Variants in KCNN2 observed in about 807,000 individuals in gnomAD.
The protein encoded by KCNN2 is small conductance calcium-activated potassium channel protein 2.
KCNN2 carries 24 observed loss-of-function variants against 55.5 expected under a neutral mutation model. The observed-to-expected ratio is 0.43, with a 90% CI of 0.31 to 0.61. KCNN2 has a LOEUF of 0.61. Among genes scored for constraint, KCNN2 ranks in the 20% least tolerant of loss-of-function variants. The pLI is 0.08. For missense variants in KCNN2, 754 were observed against 853.6 expected, an observed-to-expected ratio of 0.88 and a Z score of 1.45; for synonymous variants, 431 against 336.1, an observed-to-expected ratio of 1.28 and a Z score of -3.09.
intron 2 of KCNN2, among the ~76,000 whole-genome samples, chr5:114,297,877 C>T (rs1168972826): frequency 2.0e-5 from 3 of 152,104 alleles, no homozygotes; most frequent in African/African-American, 2.4e-5. Context: ...GCGTAAGTTT[C>T]TTAGCTGTGT....
chr5:114,380,121 C>A (rs1479834951), intron 2 of KCNN2, among the ~76,000 whole-genome samples: 1 of 151,884 alleles, frequency 6.6e-6, no homozygotes, highest in Non-Finnish European at 1.5e-5. Context: ...GTACAAATTA[C>A]CTGTGTTTTC....
intron 2 of KCNN2, among the ~76,000 whole-genome samples, chr5:114,389,475 C>T (rs1215464758): frequency 1.3e-5 from 2 of 152,098 alleles, no homozygotes; most frequent in African/African-American, 4.8e-5. Context: ...TTTCTCTTCT[C>T]CAAGATGGAG....
intron 2 of KCNN2, among the ~76,000 whole-genome samples, chr5:114,233,009 C>A (rs1754394916): frequency 7.9e-6 from 1 of 126,224 alleles, no homozygotes; most frequent in African/African-American, 3.0e-5. Context: ...CAAGCTCCGC[C>A]TCCCGGGTTC....
At chr5:114,167,137 T>G (rs1752929279) in intron 1 of KCNN2, among the ~76,000 whole-genome samples, 1 of 152,136 alleles carries the variant, frequency 6.6e-6, no homozygotes, top group Non-Finnish European at 1.5e-5. Flanking sequence ...TCCAGATATG[T>G]GAGAGAGTGA....
intron 2 of KCNN2, among the ~76,000 whole-genome samples, chr5:114,333,310 T>G (rs1756860950): frequency 6.6e-6 from 1 of 152,184 alleles, no homozygotes; most frequent in African/African-American, 2.4e-5. Context: ...ACAAATGAGT[T>G]TTCTTTATCC....
intron 2 of KCNN2, among the ~76,000 whole-genome samples, chr5:114,354,842 A>T (rs539646712): frequency 6.6e-6 from 1 of 152,248 alleles, no homozygotes; most frequent in South Asian, 2.1e-4. Context: ...TACATAATGT[A>T]TATTGTTTTG....
chr5:114,085,969 G>A (rs1460967016), intron 1 of KCNN2, among the ~76,000 whole-genome samples: 1 of 152,066 alleles, frequency 6.6e-6, no homozygotes, highest in Middle Eastern at 3.4e-3. Flanking sequence ...TCTTTTTTCA[G>A]CATAAAATAT....
At chr5:114,326,564 C>T (rs1756717942) in intron 2 of KCNN2, among the ~76,000 whole-genome samples, 1 of 152,136 alleles carries the variant, frequency 6.6e-6, no homozygotes, top group Admixed American at 6.5e-5. Flanking sequence ...ACTGCTTCTG[C>T]ACAATTCCTC....
intron 2 of KCNN2, among the ~76,000 whole-genome samples, chr5:114,309,710 G>A (rs1400036730): frequency 6.6e-6 from 1 of 152,154 alleles, no homozygotes; most frequent in Non-Finnish European, 1.5e-5. Context: ...AGCTATCTAG[G>A]AGAGTCAACC....
chr5:114,309,948 G>A (rs892379375), intron 2 of KCNN2, among the ~76,000 whole-genome samples: 1 of 152,156 alleles, frequency 6.6e-6, no homozygotes, highest in Non-Finnish European at 1.5e-5. Context: ...CAACTCTGCT[G>A]TCCTTCAGGT....
At chr5:114,298,930 G>A (rs1051004881) in intron 2 of KCNN2, among the ~76,000 whole-genome samples, 1 of 152,096 alleles carries the variant, frequency 6.6e-6, no homozygotes, top group Non-Finnish European at 1.5e-5. Flanking sequence ...ATCACTATCA[G>A]TATAAATTAG....
At chr5:114,151,623 CT>C (rs1752526463) in intron 1 of KCNN2, among the ~76,000 whole-genome samples, 1 of 152,154 alleles carries the variant, frequency 6.6e-6, no homozygotes, top group South Asian at 2.1e-4. Flanking sequence ...TGTGGACACA[CT>C]TTCCTTCAAA....
chr5:114,420,177 G>A (rs1759432424), intron 3 of KCNN2, among the ~76,000 whole-genome samples: 1 of 152,232 alleles, frequency 6.6e-6, no homozygotes, highest in Non-Finnish European at 1.5e-5. Context: ...CAGGTCTTGG[G>A]ATGGACTTGG....
In KCNN2 at chr5:114,123,576, A is replaced by G. The variant is rs933002226; in HGVS notation, c.-271+67076A>G. Among the ~76,000 whole-genome samples, 17 of 70,668 alleles carry G rather than the reference A, an allele frequency of 2.4e-4. 4 individuals carry two copies. Among genetic ancestry groups the G allele is most frequent in the African/African-American group, 8.4e-4 (10 of 11,926 alleles). The allele number at this position is 70,668 out of a possible 152,430, so 46.4% of individuals were successfully genotyped here. ...GACGGGGTTTCACTGTGTTAGCCAGAATGGTCTCGATCTCCTGACCTCGTG... is the reference window on the plus strand; with the variant it reads ...GACGGGGTTTCACTGTGTTAGCCAGGATGGTCTCGATCTCCTGACCTCGTG... On this transcript the variant is annotated intron_variant, in intron 1 of 10. Transcript: ENST00000512097.
intron 2 of KCNN2, among the ~76,000 whole-genome samples, chr5:114,331,715 A>G (rs1756824630): frequency 6.6e-6 from 1 of 152,254 alleles, no homozygotes; most frequent in Non-Finnish European, 1.5e-5. Flanking sequence ...TAAACATATC[A>G]TCAGTCTATT....
At chr5:114,242,089 T>C (rs910252567) in intron 2 of KCNN2, among the ~76,000 whole-genome samples, 3 of 150,950 alleles carry the variant, frequency 2.0e-5, no homozygotes, top group Admixed American at 2.0e-4. Context: ...GCAAACACAG[T>C]GGGTTACAGA....
chr5:114,380,743 T>C (rs1758093302), intron 2 of KCNN2, among the ~76,000 whole-genome samples: 1 of 152,162 alleles, frequency 6.6e-6, no homozygotes, highest in African/African-American at 2.4e-5. Flanking sequence ...TTTGTTAGGA[T>C]TGCATGACCG....
chr5:114,270,945 C>CATAA (rs1755317719), intron 2 of KCNN2, among the ~76,000 whole-genome samples: 1 of 152,118 alleles, frequency 6.6e-6, no homozygotes, highest in African/African-American at 2.4e-5. Flanking sequence ...GTGAGTGTTA[C>CATAA]AGCTCATAAA....
At chr5:114,246,999 C>G in intron 2 of KCNN2, among the ~76,000 whole-genome samples, 1 of 151,398 alleles carries the variant, frequency 6.6e-6, no homozygotes, top group East Asian at 1.9e-4. Context: ...ATATCACTTG[C>G]TGATGAGTAG....
Sources: gnomAD v4.1 joint callset for allele counts (sites outside exome capture counted in the v4.1 genomes callset) on GRCh38, gnomAD v4.1.1 for gene constraint, MANE v1.5 for transcripts, NCBI Gene and HGNC (gene_info 2026-07-23, HGNC 2026-07-21) for gene names.